Variants in PTPRC observed in about 807,000 individuals in gnomAD.
PTPRC encodes the protein protein tyrosine phosphatase receptor type C.
Under a neutral mutation model 155.9 loss-of-function variants are expected in PTPRC, and 44 were observed. That is an observed-to-expected ratio of 0.28 (90% CI 0.22 to 0.36). PTPRC has a LOEUF of 0.36. Among genes scored for constraint, PTPRC ranks in the 10% least tolerant of loss-of-function variants. The pLI is 1.00. For synonymous variants in PTPRC, 525 were observed against 533.1 expected (o/e 0.98, Z 0.21); for missense variants, 1,401 against 1,564.6 (o/e 0.90, Z 1.76).
At chr1:198,731,865 T>C in intron 18 of PTPRC, 139 bp downstream of exon 18, 1 of 730,936 alleles carries the variant, frequency 1.4e-6, no homozygotes, top group Non-Finnish European at 2.4e-6. Flanking sequence ...TATTAGCAGA[T>C]CTCTATGAAC....
intron 2 of PTPRC, among the ~76,000 whole-genome samples, chr1:198,678,507 T>C (rs1177103241): frequency 6.6e-6 from 1 of 152,202 alleles, no homozygotes; most frequent in Non-Finnish European, 1.5e-5. Flanking sequence ...CCGGTCTAGA[T>C]GGCCATGCCC....
intron 2 of PTPRC, among the ~76,000 whole-genome samples, chr1:198,647,105 A>G (rs757950791): frequency 5.3e-5 from 8 of 151,806 alleles, no homozygotes; most frequent in Non-Finnish European, 1.2e-4. Context: ...CTTTTTATCA[A>G]TGGTGCAAAT....
At chr1:198,723,143 G>T in intron 15 of PTPRC, among the ~76,000 whole-genome samples, 1 of 148,256 alleles carries the variant, frequency 6.7e-6, no homozygotes, top group East Asian at 2.0e-4. Context: ...AAACAATATT[G>T]TATACTGCTC....
chr1:198,679,378 G>A (rs1183715981), intron 2 of PTPRC, among the ~76,000 whole-genome samples: 1 of 148,324 alleles, frequency 6.7e-6, no homozygotes, highest in African/African-American at 2.5e-5. Context: ...GACTAAAGCC[G>A]TGCCACCACG....
Position 198,706,907 on chromosome 1 carries a change from T to A in PTPRC, c.859T>A (p.Ser287Thr). 3 of 1,612,780 alleles carry A rather than the reference T, an allele frequency of 1.9e-6. No homozygotes were observed. The South Asian group carries it at 3.3e-5, about 18-fold the overall frequency. Residue 287 changes from serine (S) to threonine (T), a missense_variant, in exon 9 of 33, where the codon TCA becomes ACA. Physicochemically the swap from Ser to Thr is moderately conservative, Grantham distance 58 (BLOSUM62 1). This residue lies in a region of PTPRC where 867 missense variants were observed against 970.4 expected (regional missense o/e 0.89). Coordinates refer to ENST00000442510, the MANE Select transcript of PTPRC (RefSeq NM_002838.5). ...KNASVSISHN[S>T]CTAPDKTLIL... The stretch of plus-strand genomic sequence containing the variant: ...TGCGTCTGTTTCCATATCTCATAAT[T>A]CATGTACTGCTCCTGATAAGACATT...
intron 2 of PTPRC, among the ~76,000 whole-genome samples, chr1:198,663,311 A>G (rs982280122): frequency 2.6e-5 from 4 of 152,220 alleles, no homozygotes; most frequent in Non-Finnish European, 5.9e-5. Context: ...GAATAATAAT[A>G]GTCTTTAACT....
chr1:198,686,218 T>C (rs1665615883), intron 2 of PTPRC, among the ~76,000 whole-genome samples: 1 of 152,168 alleles, frequency 6.6e-6, no homozygotes, highest in Admixed American at 6.5e-5. Flanking sequence ...GTTATCTACA[T>C]TTTCATCTGT....
At chr1:198,754,732 C>T (rs560378839) in intron 32 of PTPRC, among the ~76,000 whole-genome samples, 1 of 152,110 alleles carries the variant, frequency 6.6e-6, no homozygotes, top group African/African-American at 2.4e-5. Flanking sequence ...ACAAACCACC[C>T]CCAAATTTGG....
chr1:198,733,036 CT>C (rs1173585934), intron 20 of PTPRC, among the ~76,000 whole-genome samples: 1 of 151,714 alleles, frequency 6.6e-6, no homozygotes, highest in Middle Eastern at 3.2e-3. Flanking sequence ...GCAGACATTC[CT>C]CATCAACATG....
At chr1:198,646,576 T>A (rs1000724084) in intron 2 of PTPRC, among the ~76,000 whole-genome samples, 4 of 151,894 alleles carry the variant, frequency 2.6e-5, no homozygotes, top group Non-Finnish European at 5.9e-5. Context: ...TCTCAATTTT[T>A]TGTTGTGTTG....
At chr1:198,700,376 AAGTT>A (rs1231303046) in intron 5 of PTPRC, among the ~76,000 whole-genome samples, 4 of 152,254 alleles carry the variant, frequency 2.6e-5, no homozygotes, top group African/African-American at 9.6e-5. Flanking sequence ...GAGTGCTTGA[AAGTT>A]AAAGATATAA....
At position 198,735,217 on chromosome 1, in the gene PTPRC, C is replaced by A. The variant is rs754874718; in HGVS notation, c.2368C>A (p.Pro790Thr). ...VVKINQHKRCPDYIIQKLNIV... is the reference protein window; with the variant it reads ...VVKINQHKRCTDYIIQKLNIV... ...AAAGATCAACCAGCACAAAAGATGT[C>A]CAGATTACATCATTCAGAAATTGAA... Residue 790 changes from proline (P) to threonine (T), a missense_variant, in exon 23 of 33, where the codon CCA becomes ACA. Around this residue, in one of 3 missense-constraint regions of PTPRC, gnomAD observed 867 missense variants for 970.4 expected, o/e 0.89. Transcript: ENST00000442510. 2.1e-5 allele frequency: 34 copies of A among 1,603,010 alleles called. No individual in the cohort carries two copies. The highest frequency in any genetic ancestry group is 2.6e-5 in the Non-Finnish European group (30 of 1,173,540).
chr1:198,667,241 T>C (rs559276257), intron 2 of PTPRC, among the ~76,000 whole-genome samples: 2 of 152,328 alleles, frequency 1.3e-5, no homozygotes, highest in Non-Finnish European at 2.9e-5. Flanking sequence ...CATATAACCA[T>C]TCATTGCTGT....
At chr1:198,694,505 C>A in intron 3 of PTPRC, 1 of 999,628 alleles carries the variant, frequency 1.0e-6, no homozygotes, top group African/African-American at 1.7e-5. Context: ...GATTTTCCTT[C>A]TAGTCTGTTT....
Position 198,718,099 on chromosome 1 carries a change from A to G in PTPRC, c.1456A>G (p.Ser486Gly), listed in dbSNP as rs1432775291. 12 of 1,611,056 alleles carry G rather than the reference A, an allele frequency of 7.4e-6. No individual in the cohort carries two copies. Among genetic ancestry groups the G allele is most frequent in the Admixed American group, 1.7e-5 (1 of 60,012 alleles). ...ATCTTTCTTCATTTTGATAGCTCCA[A>G]GCCAGGTCTGGAACATGACTGTCTC... Reference protein sequence around the residue: ...CHFTTKSAPPSQVWNMTVSMT... With the variant: ...CHFTTKSAPPGQVWNMTVSMT... The change falls in exon 14 of 33, where the codon AGC (serine) becomes GGC (glycine). Residue 486 changes from serine (S) to glycine (G), a missense_variant. Physicochemically the swap from Ser to Gly is moderately conservative, Grantham distance 56. Around this residue, in one of 3 missense-constraint regions of PTPRC, gnomAD observed 867 missense variants for 970.4 expected, o/e 0.89. Transcript: ENST00000442510.
chr1:198,755,624 A>ACTTATCCT (rs1655608256), intron 32 of PTPRC, among the ~76,000 whole-genome samples: 2 of 152,226 alleles, frequency 1.3e-5, no homozygotes, highest in East Asian at 1.9e-4. Context: ...TAAGTACAAA[A>ACTTATCCT]CGTGGCATCA....
chr1:198,727,563 A>G (rs1056654604), intron 15 of PTPRC, among the ~76,000 whole-genome samples: 11 of 152,146 alleles, frequency 7.2e-5, no homozygotes, highest in African/African-American at 2.7e-4. Context: ...ATTTTGGGAA[A>G]GGAGGGACAA....
Position 198,754,319 on chromosome 1 carries a change from A to G in PTPRC, c.3560A>G (p.Glu1187Gly), listed in dbSNP as rs1243668309. 6.2e-7 allele frequency: 1 copy of G among 1,612,178 alleles called. No individual in the cohort carries two copies. Among genetic ancestry groups the G allele is most frequent in the Non-Finnish European group, 8.5e-7 (1 of 1,178,644 alleles). Residue 1187 changes from glutamate (E) to glycine (G), a missense_variant, in exon 32 of 33, where the codon GAA becomes GGA. Coordinates refer to ENST00000442510, the MANE Select transcript of PTPRC (RefSeq NM_002838.5). ...GIFCALLNLL[E>G]SAETEEVVDI... ...TTTTGTGCTTTGTTAAATCTCTTAG[A>G]AAGTGCGGAAACAGAAGAGGTAGTG...
At chr1:198,692,462 A>G (rs1407212655) in intron 3 of PTPRC, 89 bp downstream of exon 3, 1 of 1,173,730 alleles carries the variant, frequency 8.5e-7, no homozygotes, top group Non-Finnish European at 1.1e-6. Context: ...ATTAACACTG[A>G]AATTATTTTT....
Sources: allele counts gnomAD v4.1 joint callset (sites outside exome capture counted in the v4.1 genomes callset), GRCh38; gene constraint gnomAD v4.1.1; regional missense constraint gnomAD v4.1.1; transcripts MANE v1.5; gene names NCBI Gene and HGNC (gene_info 2026-07-23, HGNC 2026-07-21).